Variants in COL21A1 observed in about 807,000 individuals in gnomAD.
COL21A1 encodes collagen alpha-1(XXI) chain.
In COL21A1, 149 loss-of-function variants were observed where a neutral mutation model predicts 137.9. That is an observed-to-expected ratio of 1.08 (90% CI 0.95 to 1.24). The LOEUF is 1.24. COL21A1 is among the 50% of genes most tolerant of loss of function. The probability of loss-of-function intolerance (pLI) is 0.00; values close to 1 mark genes in which losing one functional copy is unlikely to be tolerated. For synonymous variants in COL21A1, 456 were observed against 391.5 expected, an observed-to-expected ratio of 1.16 and a Z score of -1.95; for missense variants, 1,167 against 1,158.4, an observed-to-expected ratio of 1.01 and a Z score of -0.11.
In COL21A1 at chr6:56,108,402, T is replaced by C. The variant is rs7740678; in HGVS notation, c.1759-6877A>G. Among the ~76,000 whole-genome samples the C allele has an allele frequency of 3.8e-3, 569 of 151,592 alleles. 7 individuals are homozygous for C. Among genetic ancestry groups the C allele is most frequent in the African/African-American group, 0.013 (531 of 41,378 alleles). On this transcript the variant is annotated intron_variant, in intron 16 of 29. Coordinates refer to ENST00000244728, the MANE Select transcript of COL21A1 (RefSeq NM_030820.4). ...GACTCAAAAAGCTAAAGCTAGACAA[T>C]AGAAGGATGGGCGAAGGTGCAGCAA...
At chr6:56,109,115 TAAC>T (rs1328375904) in intron 16 of COL21A1, among the ~76,000 whole-genome samples, 2 of 150,044 alleles carry the variant, frequency 1.3e-5, no homozygotes, top group Non-Finnish European at 3.0e-5. Flanking sequence ...AGATAAAAAA[TAAC>T]AAAAAACGAA....
chr6:56,179,493 A>G lies in COL21A1; in HGVS notation c.640+85T>C, dbSNP rs9396177. The stretch of plus-strand genomic sequence containing the variant: ...GACATTAAATATAACAATTTACACC[A>G]GTGTTAATGAAGAAATTATATCAAA... On this transcript the variant is annotated intron_variant, in intron 3 of 29. Coordinates refer to ENST00000244728, the MANE Select transcript of COL21A1 (RefSeq NM_030820.4). 5 of 856,424 alleles carry G rather than the reference A, an allele frequency of 5.8e-6. No individual in the cohort carries two copies. The East Asian group carries it at 1.1e-4, about 18-fold the overall frequency. The allele number at this position is 856,424 out of a possible 1,614,324, so 53.1% of individuals were successfully genotyped here.
intron 24 of COL21A1, 55 bp from the exon 25 acceptor site, chr6:56,061,736 G>T: frequency 8.4e-7 from 1 of 1,185,170 alleles, no homozygotes; most frequent in Non-Finnish European, 1.2e-6. Flanking sequence ...GTACTGTAAT[G>T]TGGCATCCAC....
chr6:56,239,950 T>C (rs1048059146), intron 1 of COL21A1, among the ~76,000 whole-genome samples: 4 of 152,154 alleles, frequency 2.6e-5, no homozygotes, highest in African/African-American at 4.8e-5. Context: ...GAGAGGGACC[T>C]GGTGGGAGAT....
chr6:56,211,144 ATT>A (rs1780132428), intron 1 of COL21A1, among the ~76,000 whole-genome samples: 1 of 136,632 alleles, frequency 7.3e-6, no homozygotes, highest in South Asian at 2.3e-4. Context: ...CAAATTCTAT[ATT>A]TGTGTAAATT....
intron 1 of COL21A1, among the ~76,000 whole-genome samples, chr6:56,265,341 C>A (rs769504606): frequency 3.3e-5 from 5 of 152,168 alleles, no homozygotes; most frequent in Non-Finnish European, 5.9e-5. Flanking sequence ...CCAGAATTTG[C>A]ATGCCTTTTA....
intron 1 of COL21A1, among the ~76,000 whole-genome samples, chr6:56,227,588 AAAAG>A (rs1350848878): frequency 1.3e-5 from 2 of 152,016 alleles, no homozygotes; most frequent in Non-Finnish European, 2.9e-5. Context: ...TTTAGATTGT[AAAAG>A]AAAGAATCAT....
intron 1 of COL21A1, among the ~76,000 whole-genome samples, chr6:56,343,196 T>C (rs777175489): frequency 5.3e-5 from 8 of 152,124 alleles, no homozygotes; most frequent in Non-Finnish European, 1.0e-4. Context: ...CAGAGAGACA[T>C]GTGGGCCTTT....
chr6:56,119,797 T>C (rs1050550699), intron 16 of COL21A1, among the ~76,000 whole-genome samples: 2 of 152,040 alleles, frequency 1.3e-5, no homozygotes, highest in Admixed American at 6.6e-5. Context: ...TCCGAGAACA[T>C]ACACTAGGGA....
intron 29 of COL21A1, among the ~76,000 whole-genome samples, chr6:56,058,789 G>A (rs1041958437): frequency 6.6e-6 from 1 of 152,094 alleles, no homozygotes; most frequent in African/African-American, 2.4e-5. Context: ...AGGAAACTGA[G>A]ACATGGCAGA....
chr6:56,381,496 C>T (rs1404139187), intron 1 of COL21A1, among the ~76,000 whole-genome samples: 1 of 152,178 alleles, frequency 6.6e-6, no homozygotes, highest in Non-Finnish European at 1.5e-5. Context: ...TACTATTTCA[C>T]TTTATCCTTG....
chr6:56,383,008 C>T (rs887374185), intron 1 of COL21A1, among the ~76,000 whole-genome samples: 10 of 152,308 alleles, frequency 6.6e-5, no homozygotes, highest in African/African-American at 2.4e-4. Context: ...CTTCCTCCTC[C>T]TCCCAATTAA....
intron 1 of COL21A1, among the ~76,000 whole-genome samples, chr6:56,351,346 G>C (rs1765707156): frequency 6.6e-6 from 1 of 152,210 alleles, no homozygotes; most frequent in South Asian, 2.1e-4. Context: ...CGGGGAGGGG[G>C]AATTTCCGTT....
chr6:56,116,046 A>T (rs1014074547), intron 16 of COL21A1, among the ~76,000 whole-genome samples: 2 of 152,086 alleles, frequency 1.3e-5, no homozygotes, highest in African/African-American at 4.8e-5. Flanking sequence ...CAAAGGGCAA[A>T]TCTAAGAGTT....
At chr6:56,303,107 G>T (rs1220406678) in intron 1 of COL21A1, among the ~76,000 whole-genome samples, 3 of 152,316 alleles carry the variant, frequency 2.0e-5, no homozygotes, top group Middle Eastern at 6.8e-3. Context: ...TTTGGTACCA[G>T]TACCATGCTG....
rs139949306 is a variant in COL21A1 at position 56,278,416 on chromosome 6, G to A, written c.-38-95760C>T. ...AGAGAAAAAAAGCTCTTTTGTATAA[G>A]CGCTTCATTCTTTGTCCTCTCATTC... On this transcript the variant is annotated intron_variant, in intron 1 of 28. Coordinates refer to the COL21A1 transcript ENST00000370819. Among the ~76,000 whole-genome samples the A allele has an allele frequency of 4.0e-4, 61 of 152,154 alleles. No homozygotes were observed. The East Asian group carries it at 9.1e-3, about 23-fold the overall frequency.
intron 17 of COL21A1, among the ~76,000 whole-genome samples, chr6:56,095,031 T>C (rs2114223064): frequency 6.6e-6 from 1 of 152,334 alleles, no homozygotes; most frequent in Non-Finnish European, 1.5e-5. Flanking sequence ...GGAGGCATTT[T>C]TTAACCTACT....
chr6:56,321,026 G>A (rs1451331058), intron 1 of COL21A1, among the ~76,000 whole-genome samples: 4 of 152,102 alleles, frequency 2.6e-5, no homozygotes, highest in South Asian at 4.2e-4. Flanking sequence ...TTTCACTGAT[G>A]AAAAAAACAA....
chr6:56,224,271 T>C (rs1012214068), intron 1 of COL21A1, among the ~76,000 whole-genome samples: 9 of 152,076 alleles, frequency 5.9e-5, no homozygotes, highest in African/African-American at 2.2e-4. Flanking sequence ...CCAACACCTA[T>C]AAAACTGTAC....
Sources: gnomAD v4.1 joint callset for allele counts (sites outside exome capture counted in the v4.1 genomes callset) on GRCh38, gnomAD v4.1.1 for gene constraint, MANE v1.5 for transcripts, NCBI Gene and HGNC (gene_info 2026-07-23, HGNC 2026-07-21) for gene names.